The following SYNE2 variants were observed in gnomAD, a reference collection of about 807,000 sequenced individuals.
SYNE2 encodes the protein spectrin repeat containing nuclear envelope protein 2.
Under a neutral mutation model 856.3 loss-of-function variants are expected in SYNE2, and 431 were observed. The ratio of observed to expected loss-of-function variants is 0.50; its 90% CI spans 0.47 to 0.55. The LOEUF is 0.55. Ranked by LOEUF, SYNE2 falls within the 20% of genes least tolerant of loss-of-function variation. The pLI, the probability that SYNE2 is intolerant of heterozygous loss-of-function variation, is 0.00. For missense variants in SYNE2, 8,129 were observed against 8,023.2 expected (o/e 1.01, Z -0.50); for synonymous variants, 2,923 against 2,872.3 (o/e 1.02, Z -0.56).
At chr14:64,124,372 G>A (rs982871733) in intron 70 of SYNE2, among the ~76,000 whole-genome samples, 8 of 142,002 alleles carry the variant, frequency 5.6e-5, no homozygotes, top group African/African-American at 2.3e-4. Flanking sequence ...AAAAATTTTT[G>A]TATAATTTTT....
chr14:64,196,069 A>G (rs1395501226), intron 99 of SYNE2, among the ~76,000 whole-genome samples: 1 of 152,250 alleles, frequency 6.6e-6, no homozygotes, highest in Non-Finnish European at 1.5e-5. Context: ...ACTGAGCCTC[A>G]GAGGTTCACG....
intron 57 of SYNE2, among the ~76,000 whole-genome samples, chr14:64,087,093 TAAAAA>T (rs56917782): frequency 2.0e-5 from 2 of 98,426 alleles, no homozygotes; most frequent in Non-Finnish European, 3.9e-5. Context: ...TGATAATTGG[TAAAAA>T]AAAAAAAAAA....
At chr14:64,038,362 G>T (rs1335271319) in intron 45 of SYNE2, among the ~76,000 whole-genome samples, 1 of 152,242 alleles carries the variant, frequency 6.6e-6, no homozygotes, top group Admixed American at 6.5e-5. Flanking sequence ...TCCAGACTGG[G>T]CAGCCAGGCA....
chr14:64,083,242 AT>A (rs548524185), intron 57 of SYNE2, among the ~76,000 whole-genome samples: 12 of 149,292 alleles, frequency 8.0e-5, no homozygotes, highest in African/African-American at 2.5e-4. Flanking sequence ...CTTGCTTGTG[AT>A]TTTTTTTGCC....
At chr14:63,882,561 A>G (rs1246588147) in intron 1 of SYNE2, among the ~76,000 whole-genome samples, 1 of 19,106 alleles carries the variant, frequency 5.2e-5, no homozygotes, top group Non-Finnish European at 1.5e-4. Context: ...ACACAAAGTA[A>G]AAAAAAAAAA....
At chr14:63,859,813 C>T (rs956187108) in intron 1 of SYNE2, among the ~76,000 whole-genome samples, 7 of 152,126 alleles carry the variant, frequency 4.6e-5, no homozygotes, top group African/African-American at 1.4e-4. Flanking sequence ...AAGACTCTGC[C>T]TCGGGAAAAA....
intron 23 of SYNE2, 55 bp from the exon 24 acceptor site, chr14:63,996,892 G>A (rs576481674): frequency 1.5e-4 from 237 of 1,534,300 alleles, no homozygotes; most frequent in Non-Finnish European, 1.9e-4. Context: ...AGTCCTTATG[G>A]AATAATCATG....
chr14:63,902,123 A>G (rs1199335677), intron 1 of SYNE2, among the ~76,000 whole-genome samples: 1 of 152,078 alleles, frequency 6.6e-6, no homozygotes, highest in Non-Finnish European at 1.5e-5. Flanking sequence ...GAGTAGTTTC[A>G]TTTAAGGTCA....
chr14:64,221,385 G>A, intron 111 of SYNE2, 191 bp from the exon 112 acceptor site: 3 of 1,017,374 alleles, frequency 2.9e-6, no homozygotes, highest in Non-Finnish European at 2.9e-6. Context: ...GCACTGTGCT[G>A]AGTGTCTTCC....
At position 64,116,777 on chromosome 14, in the gene SYNE2, A is replaced by C. The variant is rs566847091; in HGVS notation, c.12841-2650A>C. Among the ~76,000 whole-genome samples, 616 of 152,346 alleles carry C rather than the reference A, an allele frequency of 4.0e-3. 6 individuals carry two copies. Among genetic ancestry groups the C allele is most frequent in the Non-Finnish European group, 6.3e-3 (429 of 68,030 alleles). On this transcript the variant is annotated intron_variant, in intron 66 of 115. Coordinates refer to ENST00000555002, the MANE Select transcript of SYNE2 (RefSeq NM_182914.3). ...CCCAAATGAGAAAAATAATTATAGA[A>C]GCATTGATTACAAAAGTGAAGAACT...
At chr14:64,186,698 C>T in intron 97 of SYNE2, 119 bp downstream of exon 97, 2 of 1,316,540 alleles carry the variant, frequency 1.5e-6, no homozygotes, top group Non-Finnish European at 2.2e-6. Flanking sequence ...CAGTGGGACC[C>T]CTGGCCCGGC....
chr14:64,144,619 A>G (rs2098166253), intron 83 of SYNE2, among the ~76,000 whole-genome samples: 1 of 152,062 alleles, frequency 6.6e-6, no homozygotes, highest in Non-Finnish European at 1.5e-5. Context: ...TTAGAAAAAA[A>G]ATTAATCAGA....
At chr14:64,108,856 T>C (rs17101669) in intron 65 of SYNE2, among the ~76,000 whole-genome samples, 2 of 151,944 alleles carry the variant, frequency 1.3e-5, no homozygotes, top group Non-Finnish European at 2.9e-5. Flanking sequence ...AGTCAGTATG[T>C]TTTTTTGCTG....
upstream of SYNE2, among the ~76,000 whole-genome samples, chr14:63,852,804 C>T (rs545768638): frequency 9.1e-4 from 138 of 152,232 alleles, no homozygotes; most frequent in African/African-American, 3.2e-3. Context: ...TCCCTCACAC[C>T]ACCTCTGATG....
intron 99 of SYNE2, chr14:64,202,296 CAGAG>C (rs1440101359): frequency 1.4e-6 from 1 of 702,348 alleles, no homozygotes. Context: ...TCTGCTTACT[CAGAG>C]AGGAGGGTCC....
chr14:64,011,498 A>G (rs930133069), intron 32 of SYNE2, among the ~76,000 whole-genome samples: 4 of 152,122 alleles, frequency 2.6e-5, no homozygotes, highest in African/African-American at 9.7e-5. Flanking sequence ...CCCAGTTCGC[A>G]TAGCCACCCT....
chr14:64,117,075 A>G lies in SYNE2; in HGVS notation c.12841-2352A>G, dbSNP rs74346261. ...TGGGGGTTGTGTTACAAGACCCCCA[A>G]TGGATGCCTGAAACCGTGGATAGTA... On this transcript the variant is annotated intron_variant, in intron 66 of 115. Coordinates refer to ENST00000555002, the MANE Select transcript of SYNE2 (RefSeq NM_182914.3). Among the ~76,000 whole-genome samples, 1,417 of 152,278 alleles carry G rather than the reference A, an allele frequency of 9.3e-3. 13 individuals are homozygous for G. The highest frequency in any genetic ancestry group is 0.02 in the South Asian group (98 of 4,820).
intron 1 of SYNE2, among the ~76,000 whole-genome samples, chr14:63,779,512 G>A (rs1887231263): frequency 6.7e-6 from 1 of 150,364 alleles, no homozygotes; most frequent in Admixed American, 6.6e-5. Context: ...CACAATCAGT[G>A]AAATATTGAA....
At chr14:64,106,954 G>T (rs1013960573) in intron 64 of SYNE2, among the ~76,000 whole-genome samples, 3 of 152,212 alleles carry the variant, frequency 2.0e-5, no homozygotes, top group Admixed American at 6.5e-5. Context: ...CTTGGTAGTT[G>T]TTCCTAAATG....
Sources: gnomAD v4.1 joint callset for allele counts (sites outside exome capture counted in the v4.1 genomes callset) on GRCh38, gnomAD v4.1.1 for gene constraint, MANE v1.5 for transcripts, NCBI Gene and HGNC (gene_info 2026-07-23, HGNC 2026-07-21) for gene names.